The following AKAP6 variants were observed in gnomAD, a reference collection of about 807,000 sequenced individuals.
AKAP6 encodes A-kinase anchoring protein 6.
A neutral mutation model predicts 188.5 loss-of-function variants in AKAP6; 58 were observed. The observed-to-expected ratio is 0.31, with a 90% confidence interval of 0.25 to 0.38. The LOEUF is 0.38. Ranked by LOEUF, AKAP6 falls within the 10% of genes least tolerant of loss-of-function variation. The probability of loss-of-function intolerance (pLI) is 1.00; values close to 1 mark genes in which losing one functional copy is unlikely to be tolerated. For missense variants in AKAP6, 2,710 were observed against 2,740.0 expected, an observed-to-expected ratio of 0.99 and a Z score of 0.24; for synonymous variants, 989 against 998.6, an observed-to-expected ratio of 0.99 and a Z score of 0.18.
At chr14:32,537,185 G>A (rs766358519) in intron 3 of AKAP6, among the ~76,000 whole-genome samples, 10 of 152,048 alleles carry the variant, frequency 6.6e-5, no homozygotes, top group African/African-American at 2.2e-4. Flanking sequence ...CAAACTCTCC[G>A]CAGTGCCTAG....
intron 4 of AKAP6, among the ~76,000 whole-genome samples, chr14:32,572,825 G>C (rs1162886349): frequency 6.6e-6 from 1 of 152,116 alleles, no homozygotes; most frequent in East Asian, 1.9e-4. Flanking sequence ...CCTCACGAAG[G>C]AACTTTCAAA....
At chr14:32,671,884 A>C (rs1350432251) in intron 7 of AKAP6, among the ~76,000 whole-genome samples, 1 of 152,228 alleles carries the variant, frequency 6.6e-6, no homozygotes, top group Non-Finnish European at 1.5e-5. Flanking sequence ...TAAATCAGTC[A>C]AATTAGCAAA....
At chr14:32,752,796 C>T (rs913770649) in intron 11 of AKAP6, among the ~76,000 whole-genome samples, 1 of 152,072 alleles carries the variant, frequency 6.6e-6, no homozygotes, top group African/African-American at 2.4e-5. Context: ...CTTTCTGTGC[C>T]TGGCTTATTT....
intron 11 of AKAP6, among the ~76,000 whole-genome samples, chr14:32,770,439 G>A (rs2032862995): frequency 6.6e-6 from 1 of 152,030 alleles, no homozygotes; most frequent in Admixed American, 6.6e-5. Flanking sequence ...AAGGCAATAT[G>A]ACTATGCATG....
intron 2 of AKAP6, among the ~76,000 whole-genome samples, chr14:32,530,908 CAAAA>C (rs933165861): frequency 6.6e-6 from 1 of 151,678 alleles, no homozygotes; most frequent in African/African-American, 2.4e-5. Context: ...AAACAAAAAA[CAAAA>C]AAACCAACGG....
At chr14:32,646,813 A>G (rs1373660442) in intron 7 of AKAP6, among the ~76,000 whole-genome samples, 2 of 152,100 alleles carry the variant, frequency 1.3e-5, no homozygotes, top group Non-Finnish European at 2.9e-5. Flanking sequence ...GGTAGTGGCA[A>G]TGGTGCATGA....
In AKAP6 at chr14:32,546,655, G is replaced by T; in HGVS notation, c.2002G>T (p.Asp668Tyr). 1 of 1,614,086 alleles carries T rather than the reference G, an allele frequency of 6.2e-7. No individual in the cohort carries two copies. The highest frequency in any genetic ancestry group is 8.5e-7 in the Non-Finnish European group (1 of 1,180,012). Residue 668 changes from aspartate (D) to tyrosine (Y), a missense_variant, in exon 4 of 14, where the codon GAC becomes TAC. Around this residue, in one of 2 missense-constraint regions of AKAP6, gnomAD observed 2,473 missense variants for 2,426.1 expected, o/e 1.02. Transcript: ENST00000280979. Reference sequence around the variant, plus strand: ...AGGAGAAACCATCCAGAATATTGATGACTGGGAACTGTCTGAAATGAATTC... The same window carrying T: ...AGGAGAAACCATCCAGAATATTGATTACTGGGAACTGTCTGAAATGAATTC... ...PRGETIQNID[D>Y]WELSEMNSDS...
At chr14:32,717,103 C>G (rs768293766) in intron 9 of AKAP6, among the ~76,000 whole-genome samples, 1 of 152,096 alleles carries the variant, frequency 6.6e-6, no homozygotes, top group Non-Finnish European at 1.5e-5. Context: ...ACCAAGAGAA[C>G]AAAGGCAGAA....
chr14:32,704,927 C>T lies in AKAP6; in HGVS notation c.3000+8817C>T, dbSNP rs78536055. ...TTATTAGAACTTCTTGAATGTATTC[C>T]TAAAGCAGGAATGTGGGGCTAAAAG... On this transcript the variant is annotated intron_variant, in intron 9 of 13. Coordinates refer to ENST00000280979, the MANE Select transcript of AKAP6 (RefSeq NM_004274.5). 4.8e-3 allele frequency among the ~76,000 whole-genome samples: 725 copies of T among 152,160 alleles called. 3 individuals carry two copies. The highest frequency in any genetic ancestry group is 0.015 in the African/African-American group (603 of 41,530).
chr14:32,396,048 A>G (rs905124450), intron 1 of AKAP6, among the ~76,000 whole-genome samples: 4 of 151,890 alleles, frequency 2.6e-5, no homozygotes, highest in Non-Finnish European at 5.9e-5. Context: ...TATAATGTGT[A>G]TATATATATA....
At chr14:32,556,632 C>T (rs1210743789) in intron 4 of AKAP6, among the ~76,000 whole-genome samples, 2 of 152,172 alleles carry the variant, frequency 1.3e-5, no homozygotes, top group African/African-American at 2.4e-5. Context: ...CATAAGCCCC[C>T]GCACCTAGCC....
At chr14:32,450,746 C>T (rs1566509525) in intron 2 of AKAP6, among the ~76,000 whole-genome samples, 1 of 152,008 alleles carries the variant, frequency 6.6e-6, no homozygotes, top group Non-Finnish European at 1.5e-5. Flanking sequence ...GCTTCAATAT[C>T]TTTTCTTGAG....
At chr14:32,599,641 A>T in intron 6 of AKAP6, 135 bp downstream of exon 6, 1 of 632,928 alleles carries the variant, frequency 1.6e-6, no homozygotes, top group Non-Finnish European at 2.6e-6. Flanking sequence ...GACCTTCAAG[A>T]TTTATAAATG....
chr14:32,563,492 G>C (rs191572269), intron 4 of AKAP6, among the ~76,000 whole-genome samples: 91 of 152,182 alleles, frequency 6.0e-4, no homozygotes, highest in Admixed American at 2.0e-3. Flanking sequence ...TAGTACTGTG[G>C]GGGGGGAAGG....
chr14:32,366,046 C>T (rs1887822158), intron 1 of AKAP6, among the ~76,000 whole-genome samples: 1 of 152,124 alleles, frequency 6.6e-6, no homozygotes, highest in African/African-American at 2.4e-5. Flanking sequence ...CTCATCGTCT[C>T]TCCCACTAAA....
intron 3 of AKAP6, among the ~76,000 whole-genome samples, chr14:32,540,126 C>T (rs377642498): frequency 3.4e-3 from 444 of 130,390 alleles, no homozygotes; most frequent in Non-Finnish European, 5.1e-3. Flanking sequence ...GTTCTTTGCT[C>T]GTGCGCTCTC....
At chr14:32,414,035 A>G (rs1396559429) in intron 1 of AKAP6, among the ~76,000 whole-genome samples, 1 of 151,772 alleles carries the variant, frequency 6.6e-6, no homozygotes, top group Non-Finnish European at 1.5e-5. Context: ...ATTGAGTTGA[A>G]ATTAGATGGT....
chr14:32,570,480 C>T (rs1346682876), intron 4 of AKAP6, among the ~76,000 whole-genome samples: 1 of 151,874 alleles, frequency 6.6e-6, no homozygotes, highest in African/African-American at 2.4e-5. Flanking sequence ...TTGCCAGCAC[C>T]TAGTACAGTG....
chr14:32,673,486 G>A (rs1889304547), intron 7 of AKAP6, among the ~76,000 whole-genome samples: 1 of 152,192 alleles, frequency 6.6e-6, no homozygotes, highest in Admixed American at 6.5e-5. Context: ...TGTAATCCCA[G>A]CACTTTGGGA....
Sources: allele counts gnomAD v4.1 joint callset (sites outside exome capture counted in the v4.1 genomes callset), GRCh38; gene constraint gnomAD v4.1.1; regional missense constraint gnomAD v4.1.1; transcripts MANE v1.5; gene names NCBI Gene and HGNC (gene_info 2026-07-23, HGNC 2026-07-21).